The following PHF8 variants were observed in gnomAD, a reference collection of about 807,000 sequenced individuals.
The protein encoded by PHF8 is histone lysine demethylase PHF8.
In PHF8, 9 loss-of-function variants were observed where a neutral mutation model predicts 74.4. The ratio of observed to expected loss-of-function variants is 0.12; its 90% CI spans 0.07 to 0.21. The LOEUF (loss-of-function observed/expected upper bound fraction) is 0.21. PHF8 is among the 10% of genes least tolerant of loss of function. The probability of loss-of-function intolerance (pLI) is 1.00; values close to 1 mark genes in which losing one functional copy is unlikely to be tolerated. For synonymous variants in PHF8, 311 were observed against 316.6 expected (o/e 0.98, Z 0.19); for missense variants, 478 against 816.6 (o/e 0.59, Z 5.05).
chrX:53,954,499 C>CA (rs1180184175), intron 19 of PHF8, among the ~76,000 whole-genome samples: 2,553 of 13,129 alleles, frequency 0.19, 547 homozygotes, highest in Non-Finnish European at 0.23. Context: ...GACTCTGTCT[C>CA]AAAAAAAAAA....
intron 18 of PHF8, among the ~76,000 whole-genome samples, chrX:53,984,084 G>T (rs1176279414): frequency 8.9e-6 from 1 of 112,280 alleles, no homozygotes; most frequent in African/African-American, 3.2e-5. Flanking sequence ...AACAATGGCC[G>T]GGCGCGATGG....
At chrX:53,967,109 T>C (rs76601270) in intron 18 of PHF8, among the ~76,000 whole-genome samples, 94 of 99,314 alleles carry the variant, frequency 9.5e-4, no homozygotes, top group African/African-American at 2.0e-3. Context: ...GGAGCGTCTC[T>C]GCCTGGCAGC....
rs1557099433 is a variant in PHF8, at chrX:53,985,891, C to A, written c.2054G>T (p.Gly685Val). The A allele has an allele frequency of 1.1e-5, 13 of 1,208,723 alleles. No homozygotes were observed. The highest frequency in any genetic ancestry group is 1.5e-5 in the Non-Finnish European group (13 of 892,927). ...VEGVEGKLGN[G>V]SGAGGILDLL... ...ATCAAGAATGCCACCAGCGCCACTA[C>A]CATTCCCAAGCTTGCCTTCAACCCC... Residue 685 changes from glycine (G) to valine (V), a missense_variant, in exon 17 of 22, where the codon GGT becomes GTT. By Grantham distance (109) the Gly-to-Val change is moderately radical (BLOSUM62 -3). Around this residue, in one of 9 missense-constraint regions of PHF8, gnomAD observed 45 missense variants for 94.4 expected, o/e 0.48. Coordinates refer to ENST00000338154, the MANE Select transcript of PHF8 (RefSeq NM_015107.3).
rs377084478 is a variant in PHF8, at chrX:54,014,469, C to T, written c.691G>A (p.Val231Ile). The T allele has an allele frequency of 2.5e-6, 3 of 1,201,985 alleles. No homozygotes were observed. The highest frequency in any genetic ancestry group is 1.7e-5 in the African/African-American group (1 of 57,441). Residue 231 changes from valine (V) to isoleucine (I), a missense_variant, in exon 7 of 22, where the codon GTA becomes ATA. Physicochemically the swap from Val to Ile is conservative, Grantham distance 29. Coordinates refer to ENST00000338154, the MANE Select transcript of PHF8 (RefSeq NM_015107.3). ...PEECVFERPN[V>I]QKYCLMSVRD... ...ACACTCATGAGGCAGTACTTCTGTA[C>T]ATTGGGTCTCTCAAAGACACATTCC...
intron 18 of PHF8, among the ~76,000 whole-genome samples, chrX:53,975,882 A>G (rs1285524936): frequency 8.9e-6 from 1 of 112,336 alleles, no homozygotes; most frequent in Non-Finnish European, 1.9e-5. Context: ...TTTCTGACAC[A>G]AAAATAAAGG....
intron 18 of PHF8, among the ~76,000 whole-genome samples, chrX:53,969,786 C>G (rs906180520): frequency 8.9e-6 from 1 of 111,890 alleles, no homozygotes; most frequent in Non-Finnish European, 1.9e-5. Flanking sequence ...CATGGGCCAA[C>G]AGAACAGCAT....
chrX:54,012,756 T>TGA (rs1276768447), intron 7 of PHF8, among the ~76,000 whole-genome samples: 2 of 110,777 alleles, frequency 1.8e-5, no homozygotes, highest in Admixed American at 9.7e-5. Context: ...GGCAACATAG[T>TGA]GAGAGCTAGT....
At chrX:54,008,292 G>C (rs979066555) in intron 8 of PHF8, among the ~76,000 whole-genome samples, 1 of 108,585 alleles carries the variant, frequency 9.2e-6, no homozygotes, top group African/African-American at 3.4e-5. Context: ...GCTTGAACCT[G>C]GGAGGCGGAG....
At chrX:54,030,667 A>G (rs781851067) in intron 2 of PHF8, among the ~76,000 whole-genome samples, 5 of 112,092 alleles carry the variant, frequency 4.5e-5, no homozygotes, top group Non-Finnish European at 7.5e-5. Context: ...TGAGAAAAAA[A>G]CTGAGCTATG....
chrX:54,026,553 TG>T (rs201022958), intron 2 of PHF8, among the ~76,000 whole-genome samples: 199 of 95,758 alleles, frequency 2.1e-3, no homozygotes, highest in African/African-American at 8.6e-3. Flanking sequence ...TTGTTGTTGT[TG>T]TTAAGCACTC....
intron 18 of PHF8, among the ~76,000 whole-genome samples, chrX:53,972,084 G>C (rs1557094729): frequency 9.0e-6 from 1 of 110,692 alleles, no homozygotes; most frequent in Non-Finnish European, 1.9e-5. Context: ...CAGCACTTTG[G>C]GAGGCCGAGG....
chrX:54,001,377 C>T (rs1444814584), intron 10 of PHF8, among the ~76,000 whole-genome samples: 1 of 109,027 alleles, frequency 9.2e-6, no homozygotes, highest in Non-Finnish European at 1.9e-5. Context: ...AGTGTGGTGG[C>T]GGGTGTCTGT....
At chrX:53,974,469 ATTAG>A (rs1434918433) in intron 18 of PHF8, among the ~76,000 whole-genome samples, 22 of 112,136 alleles carry the variant, frequency 2.0e-4, no homozygotes, top group Non-Finnish European at 3.0e-4. Flanking sequence ...GAGAGTGTAA[ATTAG>A]TTCAAGCATT....
intron 2 of PHF8, among the ~76,000 whole-genome samples, chrX:54,034,898 G>T (rs1318158781): frequency 1.8e-5 from 2 of 108,397 alleles, no homozygotes; most frequent in African/African-American, 6.7e-5. Flanking sequence ...ACTGGGGGGT[G>T]GGGGGCTGAG....
intron 2 of PHF8, among the ~76,000 whole-genome samples, chrX:54,029,744 C>A (rs1439147653): frequency 8.0e-5 from 9 of 112,044 alleles, no homozygotes; most frequent in African/African-American, 2.3e-4. Flanking sequence ...AGCCAAGAAC[C>A]TGTTCGGGGA....
At chrX:53,963,883 G>A (rs1231212514) in intron 18 of PHF8, among the ~76,000 whole-genome samples, 1 of 111,655 alleles carries the variant, frequency 9.0e-6, no homozygotes, top group Non-Finnish European at 1.9e-5. Context: ...TCCCATTACT[G>A]GGTATATACC....
At chrX:54,013,374 T>C (rs1557107152) in intron 7 of PHF8, among the ~76,000 whole-genome samples, 1 of 111,689 alleles carries the variant, frequency 9.0e-6, no homozygotes, top group African/African-American at 3.3e-5. Context: ...ATTCATCAAA[T>C]TGTACAATTA....
rs781898954 is a variant in PHF8 at position 54,044,323 on chromosome X, C to T, written c.-654G>A. ...AGCCCAGTGGCGGTGGTAGGCAATTCGGAGTAGTCAATAAAGTTTATTCAA... is the reference window on the plus strand; with the variant it reads ...AGCCCAGTGGCGGTGGTAGGCAATTTGGAGTAGTCAATAAAGTTTATTCAA... On this transcript the variant is annotated 5_prime_UTR_variant, in exon 1 of 22. Transcript: ENST00000338154. 1.2e-5 allele frequency: 9 copies of T among 753,899 alleles called. No homozygotes were observed. The highest frequency in any genetic ancestry group is 1.1e-4 in the African/African-American group (5 of 43,814). The allele number at this position is 753,899 out of a possible 1,213,427, so 62.1% of individuals were successfully genotyped here.
At chrX:53,995,258 A>G (rs2065728235) in intron 12 of PHF8, 1 of 340,122 alleles carries the variant, frequency 2.9e-6, no homozygotes, top group Non-Finnish European at 5.9e-6. Flanking sequence ...AATAACAACA[A>G]CTACAACTAC....
Sources: allele counts gnomAD v4.1 joint callset (sites outside exome capture counted in the v4.1 genomes callset), GRCh38; gene constraint gnomAD v4.1.1; regional missense constraint gnomAD v4.1.1; transcripts MANE v1.5; gene names NCBI Gene and HGNC (gene_info 2026-07-23, HGNC 2026-07-21).